The following ST6GALNAC3 variants were observed in gnomAD, a reference collection of about 807,000 sequenced individuals.
The protein encoded by ST6GALNAC3 is ST6 N-acetylgalactosaminide alpha-2,6-sialyltransferase 3.
A neutral mutation model predicts 32.7 loss-of-function variants in ST6GALNAC3; 25 were observed. The observed-to-expected ratio is 0.76, with a 90% CI of 0.56 to 1.07. The LOEUF (loss-of-function observed/expected upper bound fraction) is 1.07, where lower values mean the gene tolerates loss of function less well. Among genes scored for constraint, ST6GALNAC3 ranks in the 50% least tolerant of loss-of-function variants. The pLI is 0.00. For missense variants in ST6GALNAC3, 355 were observed against 382.4 expected, an observed-to-expected ratio of 0.93 and a Z score of 0.60; for synonymous variants, 129 against 133.1, an observed-to-expected ratio of 0.97 and a Z score of 0.21.
intron 3 of ST6GALNAC3, among the ~76,000 whole-genome samples, chr1:76,453,831 T>G (rs2101565911): frequency 6.6e-6 from 1 of 152,306 alleles, no homozygotes; most frequent in Non-Finnish European, 1.5e-5. Context: ...ATTGTTTCTT[T>G]GTTCATTTTC....
At chr1:76,457,739 T>C (rs1346901093) in intron 3 of ST6GALNAC3, among the ~76,000 whole-genome samples, 1 of 152,158 alleles carries the variant, frequency 6.6e-6, no homozygotes. Flanking sequence ...TAATTCAAGC[T>C]GGATTAAAGA....
chr1:76,164,503 T>C (rs989453486), intron 1 of ST6GALNAC3, among the ~76,000 whole-genome samples: 8 of 152,232 alleles, frequency 5.3e-5, no homozygotes, highest in African/African-American at 1.7e-4. Flanking sequence ...TTTTACATTA[T>C]GTACCCCTTA....
Position 76,411,413 on chromosome 1 carries a change from C to T in ST6GALNAC3, c.214-595C>T, listed in dbSNP as rs542462369. Among the ~76,000 whole-genome samples the T allele has an allele frequency of 6.6e-5, 10 of 152,122 alleles. No individual in the cohort carries two copies. In the South Asian group the frequency reaches 1.0e-3, roughly 16 times the overall value. On this transcript the variant is annotated intron_variant, in intron 2 of 4. Coordinates refer to ENST00000328299, the MANE Select transcript of ST6GALNAC3 (RefSeq NM_152996.4). The stretch of plus-strand genomic sequence containing the variant: ...CATCTAGGATAAACATAAACACAGA[C>T]GCCAATTAATATGATGACTTGAGGG...
At chr1:76,297,006 A>G (rs1219072336) in intron 1 of ST6GALNAC3, among the ~76,000 whole-genome samples, 1 of 152,056 alleles carries the variant, frequency 6.6e-6, no homozygotes. Flanking sequence ...GAAGAAAATC[A>G]TCATGTGTAG....
At chr1:76,260,206 A>G (rs191635034) in intron 1 of ST6GALNAC3, among the ~76,000 whole-genome samples, 1 of 152,254 alleles carries the variant, frequency 6.6e-6, no homozygotes, top group Admixed American at 6.5e-5. Context: ...AGAGAGCACT[A>G]TGTGGCTGCT....
intron 1 of ST6GALNAC3, among the ~76,000 whole-genome samples, chr1:76,264,731 T>C (rs982265960): frequency 2.0e-5 from 3 of 152,130 alleles, no homozygotes; most frequent in African/African-American, 7.2e-5. Flanking sequence ...TTCAAAGCTC[T>C]TTCATACTTA....
chr1:76,628,683 A>G lies in ST6GALNAC3; in HGVS notation c.795A>G (p.Glu265=). 1.9e-6 allele frequency: 3 copies of G among 1,612,290 alleles called. No individual in the cohort carries two copies. The South Asian group carries it at 3.3e-5, about 18-fold the overall frequency. ...YYEQGRDECD[E]YFLHEHAPYG... is the part of the protein sequence containing the mutation. ...AACAAGGAAGAGATGAGTGTGATGA[A>G]TATTTTCTTCATGAACATGCCCCAT... The change falls in exon 5 of 5, where the codon GAA becomes GAG. Residue 265 remains glutamate (E), a synonymous_variant. Coordinates refer to ENST00000328299, the MANE Select transcript of ST6GALNAC3 (RefSeq NM_152996.4).
At chr1:76,410,664 T>C (rs1009476909) in intron 2 of ST6GALNAC3, among the ~76,000 whole-genome samples, 1 of 152,120 alleles carries the variant, frequency 6.6e-6, no homozygotes, top group Non-Finnish European at 1.5e-5. Flanking sequence ...ACATCGCAGG[T>C]GCTCTATGAC....
intron 2 of ST6GALNAC3, among the ~76,000 whole-genome samples, chr1:76,359,046 AT>A (rs1649719423): frequency 2.0e-5 from 3 of 152,292 alleles, no homozygotes; most frequent in Admixed American, 2.0e-4. Flanking sequence ...ATTGCTGAGT[AT>A]TTCTGAGAGT....
At chr1:76,100,716 A>G (rs954898198) in intron 1 of ST6GALNAC3, among the ~76,000 whole-genome samples, 7 of 151,100 alleles carry the variant, frequency 4.6e-5, no homozygotes, top group Non-Finnish European at 1.0e-4. Flanking sequence ...GTATTCTCTT[A>G]TTGTTTGGAG....
chr1:76,485,244 G>A (rs1318582548), intron 3 of ST6GALNAC3, among the ~76,000 whole-genome samples: 2 of 152,198 alleles, frequency 1.3e-5, no homozygotes. Flanking sequence ...CATAAAATGA[G>A]TTAGGGAGGT....
intron 3 of ST6GALNAC3, among the ~76,000 whole-genome samples, chr1:76,432,985 A>G (rs1171616575): frequency 2.0e-5 from 3 of 152,052 alleles, no homozygotes; most frequent in Non-Finnish European, 4.4e-5. Context: ...CCTTGTGACA[A>G]AAACCTTTTG....
chr1:76,424,619 G>A (rs2101398925), intron 3 of ST6GALNAC3, among the ~76,000 whole-genome samples: 1 of 152,054 alleles, frequency 6.6e-6, no homozygotes, highest in South Asian at 2.1e-4. Context: ...TTCAGATGCT[G>A]ATTATATGTT....
At chr1:76,499,116 A>G (rs1011154768) in intron 3 of ST6GALNAC3, among the ~76,000 whole-genome samples, 1 of 152,188 alleles carries the variant, frequency 6.6e-6, no homozygotes, top group Non-Finnish European at 1.5e-5. Flanking sequence ...TTAGTCAATG[A>G]CCATGAAAAG....
At chr1:76,402,517 C>T (rs1265700359) in intron 2 of ST6GALNAC3, among the ~76,000 whole-genome samples, 1 of 152,116 alleles carries the variant, frequency 6.6e-6, no homozygotes, top group Non-Finnish European at 1.5e-5. Flanking sequence ...TCCTGACTAG[C>T]TGCTTTCTTC....
At chr1:76,245,002 G>A (rs1447876098) in intron 1 of ST6GALNAC3, among the ~76,000 whole-genome samples, 6 of 152,290 alleles carry the variant, frequency 3.9e-5, no homozygotes, top group African/African-American at 9.6e-5. Flanking sequence ...AGCTTCAGAA[G>A]CAATGGTATC....
intron 3 of ST6GALNAC3, among the ~76,000 whole-genome samples, chr1:76,528,048 T>G (rs763926201): frequency 4.1e-4 from 62 of 152,274 alleles, no homozygotes; most frequent in Non-Finnish European, 6.6e-4. Flanking sequence ...TAGGTAAAGA[T>G]CATTATGTGT....
At chr1:76,322,507 T>C (rs1646986423) in intron 2 of ST6GALNAC3, among the ~76,000 whole-genome samples, 1 of 152,204 alleles carries the variant, frequency 6.6e-6, no homozygotes, top group Non-Finnish European at 1.5e-5. Flanking sequence ...AGTAACCATC[T>C]TACACAAGAA....
chr1:76,203,825 A>C (rs1654672069), intron 1 of ST6GALNAC3, among the ~76,000 whole-genome samples: 1 of 152,212 alleles, frequency 6.6e-6, no homozygotes, highest in African/African-American at 2.4e-5. Flanking sequence ...GTAAAGATCA[A>C]ATCAGTGTAA....
Sources: gnomAD v4.1 joint callset for allele counts (sites outside exome capture counted in the v4.1 genomes callset) on GRCh38, gnomAD v4.1.1 for gene constraint, MANE v1.5 for transcripts, NCBI Gene and HGNC (gene_info 2026-07-23, HGNC 2026-07-21) for gene names.